The following GMDS variants were observed in gnomAD, a reference collection of about 807,000 sequenced individuals.
The protein encoded by GMDS is GDP-mannose 4,6 dehydratase.
GMDS carries 20 observed loss-of-function variants against 49.9 expected under a neutral mutation model. The ratio of observed to expected loss-of-function variants is 0.40; its 90% CI spans 0.28 to 0.58. The LOEUF (loss-of-function observed/expected upper bound fraction) is 0.58. GMDS is among the 20% of genes least tolerant of loss of function. The pLI is 0.42. For synonymous variants in GMDS, 177 were observed against 178.6 expected, an observed-to-expected ratio of 0.99 and a Z score of 0.07; for missense variants, 362 against 481.4, an observed-to-expected ratio of 0.75 and a Z score of 2.32.
chr6:1,712,419 T>G lies in GMDS; in HGVS notation c.987+13997A>C, dbSNP rs139406612. Among the ~76,000 whole-genome samples, 750 of 152,356 alleles carry G rather than the reference T, an allele frequency of 4.9e-3. 8 individuals carry two copies. The highest frequency in any genetic ancestry group is 0.016 in the African/African-American group (686 of 41,580). ...ACTTTGAAGTGCTGTGTTCTTATCT[T>G]AGCTCCTAATTATTTTGACTGAAGT... On this transcript the variant is annotated intron_variant, in intron 9 of 10. Coordinates refer to ENST00000380815, the MANE Select transcript of GMDS (RefSeq NM_001500.4).
At chr6:1,643,613 T>C (rs570631793) in intron 9 of GMDS, among the ~76,000 whole-genome samples, 2 of 151,930 alleles carry the variant, frequency 1.3e-5, no homozygotes, top group African/African-American at 2.4e-5. Context: ...AGCAGATGCA[T>C]AGAGACAGGG....
Position 1,814,736 on chromosome 6 carries a change from C to T in GMDS, c.772-72150G>A, listed in dbSNP as rs1013644117. On this transcript the variant is annotated intron_variant, in intron 7 of 10. Coordinates refer to ENST00000380815, the MANE Select transcript of GMDS (RefSeq NM_001500.4). Reference sequence around the variant, plus strand: ...TAAATCTTTAGATGCCATATGTGTACGTAAATATATATATATTCAAAATTC... The same window carrying T: ...TAAATCTTTAGATGCCATATGTGTATGTAAATATATATATATTCAAAATTC... Among the ~76,000 whole-genome samples the T allele has an allele frequency of 4.6e-5, 7 of 152,046 alleles. No homozygotes were observed. The East Asian group carries it at 7.7e-4, about 17-fold the overall frequency.
At chr6:1,784,642 C>T (rs540055003) in intron 7 of GMDS, among the ~76,000 whole-genome samples, 19 of 152,248 alleles carry the variant, frequency 1.2e-4, no homozygotes, top group African/African-American at 4.6e-4. Context: ...ACTTACTGCT[C>T]TGGGTCATGT....
chr6:2,041,917 C>T (rs961485706), intron 4 of GMDS, among the ~76,000 whole-genome samples: 12 of 152,116 alleles, frequency 7.9e-5, no homozygotes, highest in Admixed American at 6.5e-4. Context: ...GGTGACAATG[C>T]CACCCACAAA....
intron 1 of GMDS, among the ~76,000 whole-genome samples, chr6:2,173,573 G>A (rs536308932): frequency 6.6e-6 from 1 of 152,310 alleles, no homozygotes; most frequent in Admixed American, 6.5e-5. Context: ...TTAATTCTGA[G>A]TGGGCATAAA....
chr6:2,183,485 T>C (rs975077775), intron 1 of GMDS, among the ~76,000 whole-genome samples: 1 of 152,198 alleles, frequency 6.6e-6, no homozygotes, highest in African/African-American at 2.4e-5. Context: ...TTGCTTCTTA[T>C]AGATAAGCAA....
intron 9 of GMDS, among the ~76,000 whole-genome samples, chr6:1,686,472 A>T (rs1280350703): frequency 6.6e-6 from 1 of 152,202 alleles, no homozygotes; most frequent in African/African-American, 2.4e-5. Flanking sequence ...TTTGGCCATC[A>T]TTCTCTGCAA....
chr6:2,240,804 A>C (rs539935370), intron 1 of GMDS, among the ~76,000 whole-genome samples: 1 of 152,302 alleles, frequency 6.6e-6, no homozygotes, highest in South Asian at 2.1e-4. Context: ...TCAATGTCAT[A>C]AGGAAGATGG....
At chr6:1,796,996 T>A (rs147114457) in intron 7 of GMDS, among the ~76,000 whole-genome samples, 2 of 152,294 alleles carry the variant, frequency 1.3e-5, no homozygotes, top group Non-Finnish European at 2.9e-5. Context: ...ATGACTGCTG[T>A]GTGCTCAAGC....
At chr6:2,012,632 A>T (rs1262505751) in intron 4 of GMDS, among the ~76,000 whole-genome samples, 2 of 151,868 alleles carry the variant, frequency 1.3e-5, no homozygotes, top group African/African-American at 2.4e-5. Flanking sequence ...ATTCTTTTTT[A>T]TTTTTTTTCT....
rs184805469 is a variant in GMDS, at chr6:1,989,247, G to A, written c.346-28281C>T. On this transcript the variant is annotated intron_variant, in intron 4 of 10. Coordinates refer to ENST00000380815, the MANE Select transcript of GMDS (RefSeq NM_001500.4). ...GATAGGGCTAAGTACTTTAGAATCC[G>A]AGAGCTAAGAAATGGGCATACTCTT... Among the ~76,000 whole-genome samples the A allele has an allele frequency of 1.1e-3, 166 of 152,312 alleles. 3 individuals carry two copies. Among genetic ancestry groups the A allele is most frequent in the Non-Finnish European group, 4.1e-4 (28 of 68,028 alleles).
intron 7 of GMDS, among the ~76,000 whole-genome samples, chr6:1,802,653 T>G (rs1363284455): frequency 3.9e-5 from 6 of 152,244 alleles, no homozygotes; most frequent in Non-Finnish European, 8.8e-5. Context: ...GAGTCTGCCC[T>G]ACAGGGCGGC....
At chr6:1,637,246 G>A (rs1322091740) in intron 9 of GMDS, among the ~76,000 whole-genome samples, 1 of 152,232 alleles carries the variant, frequency 6.6e-6, no homozygotes, top group African/African-American at 2.4e-5. Context: ...TGGTCTCCCT[G>A]CACCTCTGCC....
At chr6:2,198,085 G>A (rs1421321076) in intron 1 of GMDS, among the ~76,000 whole-genome samples, 5 of 152,156 alleles carry the variant, frequency 3.3e-5, no homozygotes, top group Admixed American at 1.3e-4. Flanking sequence ...TACTGTGAAC[G>A]AATGATGGGA....
At chr6:2,195,315 A>G (rs1302502613) in intron 1 of GMDS, among the ~76,000 whole-genome samples, 2 of 151,686 alleles carry the variant, frequency 1.3e-5, no homozygotes, top group Non-Finnish European at 2.9e-5. Context: ...GAAGTGTTTT[A>G]TTTTCCATTA....
chr6:1,739,854 G>A (rs1356161602), intron 8 of GMDS, among the ~76,000 whole-genome samples: 1 of 152,186 alleles, frequency 6.6e-6, no homozygotes, highest in East Asian at 1.9e-4. Context: ...TTCAGTTCCT[G>A]AAAAACAGAA....
intron 4 of GMDS, among the ~76,000 whole-genome samples, chr6:2,019,351 G>A (rs764392678): frequency 4.0e-5 from 6 of 151,856 alleles, no homozygotes; most frequent in Non-Finnish European, 7.4e-5. Flanking sequence ...GAATGAAGCA[G>A]AGACAGCCCA....
At position 1,852,864 on chromosome 6, in the gene GMDS, G is replaced by A. The variant is rs140838174; in HGVS notation, c.771+77239C>T. 5.7e-3 allele frequency among the ~76,000 whole-genome samples: 872 copies of A among 151,866 alleles called. 8 individuals carry two copies. The highest frequency in any genetic ancestry group is 0.02 in the African/African-American group (828 of 41,430). On this transcript the variant is annotated intron_variant, in intron 7 of 10. Transcript: ENST00000380815. ...TGGGATTTCAGGCATGCGCCACCAC[G>A]CCCGGCTAATTTTGTATTTTTAGTG...
intron 7 of GMDS, 57 bp downstream of exon 7, chr6:1,930,046 C>T: frequency 6.7e-7 from 1 of 1,486,570 alleles, no homozygotes; most frequent in Non-Finnish European, 9.3e-7. Context: ...GTACGCTTGG[C>T]ATTTAGAATA....
Sources: gnomAD v4.1 joint callset for allele counts (sites outside exome capture counted in the v4.1 genomes callset) on GRCh38, gnomAD v4.1.1 for gene constraint, MANE v1.5 for transcripts, NCBI Gene and HGNC (gene_info 2026-07-23, HGNC 2026-07-21) for gene names.